Variants in ANKRD44 observed in about 807,000 individuals in gnomAD.
ANKRD44 encodes serine/threonine-protein phosphatase 6 regulatory ankyrin repeat subunit B.
In ANKRD44, 35 loss-of-function variants were observed where a neutral mutation model predicts 116.0. That is an observed-to-expected ratio of 0.30 (90% CI 0.23 to 0.40). The LOEUF (loss-of-function observed/expected upper bound fraction) is 0.40. Among genes scored for constraint, ANKRD44 ranks in the 10% least tolerant of loss-of-function variants. The pLI is 1.00. For synonymous variants in ANKRD44, 435 were observed against 461.8 expected (o/e 0.94, Z 0.74); for missense variants, 1,014 against 1,242.6 (o/e 0.82, Z 2.77).
At chr2:197,224,471 G>A (rs533889285) in intron 1 of ANKRD44, among the ~76,000 whole-genome samples, 21 of 152,278 alleles carry the variant, frequency 1.4e-4, no homozygotes, top group African/African-American at 4.6e-4. Context: ...CTTAAGAGAT[G>A]CTCTTCAAAA....
chr2:197,203,915 A>G lies in ANKRD44; in HGVS notation c.28-16809T>C, dbSNP rs896349377. On this transcript the variant is annotated intron_variant, in intron 1 of 27. Transcript: ENST00000282272. The surrounding 1 kb of genome is among the most constrained non-coding windows in gnomAD (Gnocchi z 4.1). ...CCATTTATATGAAATAGCCACACATAGAAACAGAAAGCTGATTAGCAGTTA... is the reference window on the plus strand; with the variant it reads ...CCATTTATATGAAATAGCCACACATGGAAACAGAAAGCTGATTAGCAGTTA... 1.3e-5 allele frequency among the ~76,000 whole-genome samples: 2 copies of G among 152,236 alleles called. No individual in the cohort carries two copies. The highest frequency in any genetic ancestry group is 6.5e-5 in the Admixed American group (1 of 15,278).
chr2:196,982,333 G>C (rs535966632), downstream of ANKRD44, among the ~76,000 whole-genome samples: 1 of 151,976 alleles, frequency 6.6e-6, no homozygotes, highest in South Asian at 2.1e-4. Flanking sequence ...CAGAGTGGGC[G>C]CTGGTGAGCT....
chr2:197,132,052 C>G (rs1260969287), intron 4 of ANKRD44, among the ~76,000 whole-genome samples: 1 of 152,172 alleles, frequency 6.6e-6, no homozygotes, highest in East Asian at 1.9e-4. Flanking sequence ...AGATGTTTCT[C>G]TAATATTTTA....
In ANKRD44 at chr2:196,986,725, T is replaced by C. The variant is rs1387476453; in HGVS notation, c.*2866A>G. On this transcript the variant is annotated 3_prime_UTR_variant, in exon 28 of 28. Coordinates refer to ENST00000282272, the MANE Select transcript of ANKRD44 (RefSeq NM_001195144.2). Reference sequence around the variant, plus strand: ...ACCATCTGAATGCATTTCCATAGTATATTACAGTTAAGTACTTCATTACGT... The same window carrying C: ...ACCATCTGAATGCATTTCCATAGTACATTACAGTTAAGTACTTCATTACGT... 5 of 978,210 alleles carry C rather than the reference T, an allele frequency of 5.1e-6. No individual in the cohort carries two copies. Among genetic ancestry groups the C allele is most frequent in the Admixed American group, 1.2e-4 (2 of 16,246 alleles). The allele number at this position is 978,210 out of a possible 1,614,324, so 60.6% of individuals were successfully genotyped here.
chr2:197,063,830 G>A (rs1376830171), intron 16 of ANKRD44, among the ~76,000 whole-genome samples: 1 of 152,232 alleles, frequency 6.6e-6, no homozygotes, highest in Non-Finnish European at 1.5e-5. Flanking sequence ...CGTCTGATTG[G>A]TGTACCTGAA....
At position 196,989,523 on chromosome 2, in the gene ANKRD44, C is replaced by CACACAT. The variant is rs1553612141; in HGVS notation, c.*67_*68insATGTGT. On this transcript the variant is annotated 3_prime_UTR_variant, in exon 28 of 28. Coordinates refer to ENST00000282272, the MANE Select transcript of ANKRD44 (RefSeq NM_001195144.2). Reference sequence around the variant, plus strand: ...GGCTGATGAACTACACACACACACACATATATATATATATACACACGCACA... The same window carrying CACACAT: ...GGCTGATGAACTACACACACACACACACACATATATATATATATATACACACGCACA... 4.0e-5 allele frequency: 53 copies of CACACAT among 1,327,756 alleles called. No homozygotes were observed. The highest frequency in any genetic ancestry group is 4.6e-5 in the Non-Finnish European group (46 of 996,570). The allele number at this position is 1,327,756 out of a possible 1,614,324, so 82.2% of individuals were successfully genotyped here.
At chr2:197,131,912 A>C (rs2079106456) in intron 4 of ANKRD44, among the ~76,000 whole-genome samples, 1 of 152,230 alleles carries the variant, frequency 6.6e-6, no homozygotes, top group Non-Finnish European at 1.5e-5. Context: ...TTTTCCAAGA[A>C]AGAAAAGCAA....
At chr2:197,244,615 A>G (rs1212705541) in intron 1 of ANKRD44, among the ~76,000 whole-genome samples, 1 of 152,234 alleles carries the variant, frequency 6.6e-6, no homozygotes, top group East Asian at 1.9e-4. Flanking sequence ...CAGGGGAGAT[A>G]GAAAAATGGA....
intron 16 of ANKRD44, among the ~76,000 whole-genome samples, chr2:197,050,352 C>T (rs2077083758): frequency 6.6e-6 from 1 of 152,134 alleles, no homozygotes; most frequent in Admixed American, 6.5e-5. Flanking sequence ...ATATCCAAAT[C>T]ACATCAACCA....
intron 2 of ANKRD44, among the ~76,000 whole-genome samples, chr2:197,170,788 G>A (rs1264685548): frequency 6.6e-6 from 1 of 152,188 alleles, no homozygotes; most frequent in Non-Finnish European, 1.5e-5. Flanking sequence ...GTAGGCAGCA[G>A]TGAGATTCTC....
chr2:197,125,312 C>A (rs2078950418), intron 6 of ANKRD44, 69 bp downstream of exon 6: 2 of 1,380,892 alleles, frequency 1.4e-6, no homozygotes, highest in African/African-American at 2.8e-5. Flanking sequence ...CCTACATGGT[C>A]AATGAGAGAC....
chr2:197,143,388 C>A (rs868329275), intron 3 of ANKRD44, among the ~76,000 whole-genome samples: 6 of 123,752 alleles, frequency 4.8e-5, no homozygotes, highest in African/African-American at 1.9e-4. Context: ...GTGTGATGTT[C>A]CCCTTCCTGT....
At chr2:196,981,751 C>T (rs906165447), downstream of ANKRD44, among the ~76,000 whole-genome samples, 7 of 151,992 alleles carry the variant, frequency 4.6e-5, no homozygotes, top group Non-Finnish European at 1.0e-4. Context: ...TGTACTCCAG[C>T]CTGGGCAACA....
At chr2:197,255,131 A>G (rs1239809087) in intron 1 of ANKRD44, among the ~76,000 whole-genome samples, 1 of 152,206 alleles carries the variant, frequency 6.6e-6, no homozygotes, top group African/African-American at 2.4e-5. Flanking sequence ...CATATGTTCC[A>G]CAACTATGGT....
At chr2:196,974,823 G>A (rs908510048) in intron 21 of ANKRD44, among the ~76,000 whole-genome samples, 5 of 151,914 alleles carry the variant, frequency 3.3e-5, no homozygotes. Flanking sequence ...CCAGGAGGCA[G>A]AGGTTGCAGT....
At position 196,988,684 on chromosome 2, in the gene ANKRD44, A is replaced by G. The variant is rs1316298629; in HGVS notation, c.*907T>C. 1 of 985,316 alleles carries G rather than the reference A, an allele frequency of 1.0e-6. No homozygotes were observed. The highest frequency in any genetic ancestry group is 1.7e-5 in the African/African-American group (1 of 57,248). The allele number at this position is 985,316 out of a possible 1,614,324, so 61.0% of individuals were successfully genotyped here. ...TAAAATAGCAATTTCCAGGGTGGAA[A>G]TGGAACTCATTATAAAACGTCAGAG... On this transcript the variant is annotated 3_prime_UTR_variant, in exon 28 of 28. Transcript: ENST00000282272.
chr2:197,105,122 T>G (rs1046932907), intron 9 of ANKRD44, among the ~76,000 whole-genome samples: 6 of 135,492 alleles, frequency 4.4e-5, no homozygotes, highest in African/African-American at 1.9e-4. Flanking sequence ...TATTTTGGGG[T>G]TTTTTTTTGA....
At chr2:197,106,105 T>C (rs2125252546) in intron 9 of ANKRD44, among the ~76,000 whole-genome samples, 1 of 152,320 alleles carries the variant, frequency 6.6e-6, no homozygotes, top group South Asian at 2.1e-4. Flanking sequence ...TTTTTTCTTG[T>C]AGTTGTTGCT....
intron 1 of ANKRD44, among the ~76,000 whole-genome samples, chr2:197,224,429 G>T (rs907329259): frequency 1.3e-5 from 2 of 152,148 alleles, no homozygotes; most frequent in African/African-American, 4.8e-5. Context: ...ATCCCAATGG[G>T]TAAGCCTGAA....
Sources: allele counts gnomAD v4.1 joint callset (sites outside exome capture counted in the v4.1 genomes callset), GRCh38; gene constraint gnomAD v4.1.1; non-coding constraint Gnocchi (gnomAD v3.1); transcripts MANE v1.5; gene names NCBI Gene and HGNC (gene_info 2026-07-23, HGNC 2026-07-21).